Variants in UBE2D1 observed in about 807,000 individuals in gnomAD.
UBE2D1 encodes ubiquitin-conjugating enzyme E2 D1.
UBE2D1 carries 9 observed loss-of-function variants against 24.6 expected under a neutral mutation model. That is an observed-to-expected ratio of 0.37 (90% CI 0.22 to 0.64). The LOEUF (loss-of-function observed/expected upper bound fraction) is 0.64, where lower values mean the gene tolerates loss of function less well. Among genes scored for constraint, UBE2D1 ranks in the 30% least tolerant of loss-of-function variants. UBE2D1 has a pLI of 0.64. For missense variants in UBE2D1, 87 were observed against 177.1 expected (o/e 0.49, Z 2.89); for synonymous variants, 57 against 57.6 (o/e 0.99, Z 0.04).
chr10:58,342,503 G>C (rs1209466134), intron 1 of UBE2D1, among the ~76,000 whole-genome samples: 2 of 152,028 alleles, frequency 1.3e-5, no homozygotes, highest in Admixed American at 6.6e-5. Context: ...GGATTGTCTA[G>C]AGAAAACCAA....
intron 1 of UBE2D1, among the ~76,000 whole-genome samples, chr10:58,344,152 A>G (rs867359239): frequency 6.6e-6 from 1 of 152,232 alleles, no homozygotes; most frequent in Non-Finnish European, 1.5e-5. Context: ...CTCCTGAGAA[A>G]AGATAAGAAT....
At chr10:58,364,278 A>G (rs1158947969) in intron 4 of UBE2D1, among the ~76,000 whole-genome samples, 1 of 152,176 alleles carries the variant, frequency 6.6e-6, no homozygotes, top group Non-Finnish European at 1.5e-5. Flanking sequence ...TTAACATTGT[A>G]TTTATGAAAT....
In UBE2D1 at chr10:58,368,780, T is replaced by C; in HGVS notation, c.*15T>C. 1 of 1,567,458 alleles carries C rather than the reference T, an allele frequency of 6.4e-7. No homozygotes were observed. The highest frequency in any genetic ancestry group is 2.3e-5 in the East Asian group (1 of 43,180). ...ATGCAATGTAAAAATCAAAAACATT[T>C]TCATATATACCAGAGTACTGTAAAA... is the stretch of plus-strand genomic sequence containing the variant. On this transcript the variant is annotated 3_prime_UTR_variant, in exon 7 of 7. Transcript: ENST00000373910.
intron 5 of UBE2D1, among the ~76,000 whole-genome samples, chr10:58,365,616 A>T (rs1840247723): frequency 1.3e-5 from 2 of 152,216 alleles, no homozygotes; most frequent in South Asian, 4.1e-4. Context: ...TCAGGTGTAT[A>T]CATAGGCATC....
chr10:58,340,910 G>C (rs1202009592), intron 1 of UBE2D1, among the ~76,000 whole-genome samples: 1 of 152,288 alleles, frequency 6.6e-6, no homozygotes. Flanking sequence ...GGGTTTATGG[G>C]ATATAAGTGC....
Position 58,335,716 on chromosome 10 carries a change from TTCTC to T in UBE2D1, c.24+494_24+497del, listed in dbSNP as rs1368943916. Among the ~76,000 whole-genome samples, 7 of 152,228 alleles carry T rather than the reference TTCTC, an allele frequency of 4.6e-5. No homozygotes were observed. The South Asian group carries it at 1.4e-3, about 32-fold the overall frequency. The stretch of plus-strand genomic sequence containing the variant: ...TCCGCGGAGCTGTCGGGTTGGTTCT[TTCTC>T]TCCTCTGCGGTTGGCTCTTGCTCAG... On this transcript the variant is annotated intron_variant, in intron 1 of 6. Transcript: ENST00000373910.
rs529976632 is a variant in UBE2D1 at position 58,363,821 on chromosome 10, A to G, written c.198+135A>G. On this transcript the variant is annotated intron_variant, in intron 4 of 6. Coordinates refer to ENST00000373910, the MANE Select transcript of UBE2D1 (RefSeq NM_003338.5). ...GGTTAGCATTTTCAAACTGTTTTGT[A>G]AAAACTACTGAATCTAAAATCTGAT... 5.2e-6 allele frequency: 3 copies of G among 572,642 alleles called. No homozygotes were observed. The African/African-American group carries it at 5.8e-5, about 11-fold the overall frequency. 35.5% of individuals were successfully genotyped at this position (572,642 alleles called of 1,614,324 possible). A position where few individuals can be genotyped will look rare whatever the true frequency, so the allele number is the denominator to read the frequency against.
chr10:58,353,907 T>C (rs1840103182), intron 1 of UBE2D1, among the ~76,000 whole-genome samples: 1 of 152,238 alleles, frequency 6.6e-6, no homozygotes, highest in South Asian at 2.1e-4. Context: ...AATTTTTCTT[T>C]AAATTTTATT....
At chr10:58,342,809 A>G (rs561147288) in intron 1 of UBE2D1, among the ~76,000 whole-genome samples, 3 of 147,236 alleles carry the variant, frequency 2.0e-5, no homozygotes, top group Non-Finnish European at 4.5e-5. Context: ...AATTGTGGGT[A>G]CTTGTTTTTT....
At chr10:58,365,375 A>G (rs916242566) in intron 5 of UBE2D1, among the ~76,000 whole-genome samples, 6 of 152,212 alleles carry the variant, frequency 3.9e-5, no homozygotes, top group African/African-American at 9.6e-5. Flanking sequence ...TTAAATGGAA[A>G]TGTTGACAAT....
At chr10:58,341,873 A>G (rs1839964870) in intron 1 of UBE2D1, among the ~76,000 whole-genome samples, 1 of 152,214 alleles carries the variant, frequency 6.6e-6, no homozygotes, top group Non-Finnish European at 1.5e-5. Context: ...AACAACAGGA[A>G]TTGAGATACT....
chr10:58,359,745 A>G (rs1840174076), intron 1 of UBE2D1, among the ~76,000 whole-genome samples: 1 of 152,264 alleles, frequency 6.6e-6, no homozygotes. Context: ...AATGGGGAAC[A>G]TAATAACACC....
chr10:58,348,518 C>T (rs1255081785), intron 1 of UBE2D1, among the ~76,000 whole-genome samples: 3 of 152,134 alleles, frequency 2.0e-5, no homozygotes, highest in Non-Finnish European at 4.4e-5. Flanking sequence ...TGAAATAATG[C>T]TTTCACAGGC....
chr10:58,346,135 C>G (rs148973374), intron 1 of UBE2D1, among the ~76,000 whole-genome samples: 5,576 of 151,888 alleles, frequency 0.037, 294 homozygotes, highest in African/African-American at 0.12. Flanking sequence ...CTCAGCCTCC[C>G]AAGTAGCTGG....
At chr10:58,354,107 C>G (rs1001247189) in intron 1 of UBE2D1, among the ~76,000 whole-genome samples, 4 of 152,148 alleles carry the variant, frequency 2.6e-5, no homozygotes, top group Non-Finnish European at 5.9e-5. Context: ...GGTGCTTTAC[C>G]TATGTATTTT....
chr10:58,355,942 A>G (rs955201893), intron 1 of UBE2D1, among the ~76,000 whole-genome samples: 1 of 152,158 alleles, frequency 6.6e-6, no homozygotes. Flanking sequence ...CTTAGTAGCT[A>G]TCCTCCAATC....
chr10:58,347,262 G>A (rs1379932550), intron 1 of UBE2D1, among the ~76,000 whole-genome samples: 1 of 152,226 alleles, frequency 6.6e-6, no homozygotes, highest in African/African-American at 2.4e-5. Context: ...TTGTGAAGGA[G>A]TGGGATGTGA....
rs555136428 is a variant in UBE2D1, at chr10:58,345,200, G to A, written c.24+9975G>A. The stretch of plus-strand genomic sequence containing the variant: ...ATTTTTAAGATTCAGTGCTGGGCAC[G>A]TGGCTCATGCCTGTAATCCCAGAAC... On this transcript the variant is annotated intron_variant, in intron 1 of 6. Transcript: ENST00000373910. Among the ~76,000 whole-genome samples, 11 of 152,178 alleles carry A rather than the reference G, an allele frequency of 7.2e-5. No individual in the cohort carries two copies. The South Asian group carries it at 1.0e-3, about 14-fold the overall frequency.
intron 1 of UBE2D1, among the ~76,000 whole-genome samples, chr10:58,352,503 C>G (rs1840088045): frequency 6.7e-6 from 1 of 149,356 alleles, no homozygotes; most frequent in African/African-American, 2.4e-5. Context: ...ATCCCAACCA[C>G]TTGGGGAGGG....
Sources: gnomAD v4.1 joint callset for allele counts (sites outside exome capture counted in the v4.1 genomes callset) on GRCh38, gnomAD v4.1.1 for gene constraint, MANE v1.5 for transcripts, NCBI Gene and HGNC (gene_info 2026-07-23, HGNC 2026-07-21) for gene names.